The following NR2C2 variants were observed in gnomAD, a reference collection of about 807,000 sequenced individuals.
NR2C2 encodes the protein Nuclear hormone receptor TR4.
A neutral mutation model predicts 62.9 loss-of-function variants in NR2C2; 6 were observed. The observed-to-expected ratio is 0.10, with a 90% CI of 0.05 to 0.19. The LOEUF (loss-of-function observed/expected upper bound fraction) is 0.19. Among genes scored for constraint, NR2C2 ranks in the 10% least tolerant of loss-of-function variants. NR2C2 has a pLI of 1.00. For synonymous variants in NR2C2, 272 were observed against 273.8 expected, an observed-to-expected ratio of 0.99 and a Z score of 0.07; for missense variants, 479 against 762.7, an observed-to-expected ratio of 0.63 and a Z score of 4.38.
At position 15,037,354 on chromosome 3, in the gene NR2C2, C is replaced by T. The variant is rs539678897; in HGVS notation, c.1373-646C>T. 9.2e-5 allele frequency among the ~76,000 whole-genome samples: 14 copies of T among 152,080 alleles called. No homozygotes were observed. In the East Asian group the frequency reaches 1.2e-3, roughly 13 times the overall value. On this transcript the variant is annotated intron_variant, in intron 11 of 13. Transcript: ENST00000425241. ...CCGAAATATTGGGACTAGAGAGGCA[C>T]GAGCCACCACAACTGGCCAGTTTTA...
intron 2 of NR2C2, among the ~76,000 whole-genome samples, chr3:15,008,949 G>A (rs778390569): frequency 1.3e-5 from 2 of 152,156 alleles, no homozygotes; most frequent in Non-Finnish European, 2.9e-5. Context: ...GGTCGGGCGC[G>A]GCGGCTAGTG....
chr3:14,982,914 T>TA (rs1268411830), intron 1 of NR2C2, among the ~76,000 whole-genome samples: 1 of 152,236 alleles, frequency 6.6e-6, no homozygotes, highest in Admixed American at 6.5e-5. Flanking sequence ...TAAAAGTTGT[T>TA]ATATTCAGCA....
intron 1 of NR2C2, among the ~76,000 whole-genome samples, chr3:14,990,842 G>C (rs1435800097): frequency 2.6e-5 from 4 of 152,204 alleles, no homozygotes; most frequent in Non-Finnish European, 1.5e-5. Flanking sequence ...GACACCTATT[G>C]TATATTTGAA....
chr3:15,023,252 T>C lies in NR2C2; in HGVS notation c.609T>C (p.Asn203=). Residue 203 remains asparagine, a synonymous_variant, in exon 6 of 14, where the codon AAT becomes AAC. Transcript: ENST00000425241. ...ATGTGCAACGGGAGAAACCAAGCAA[T>C]TGTGCTGCTTCAACTGAGAAAATCT... is the stretch of plus-strand genomic sequence containing the variant. ...PFDVQREKPS[N]CAASTEKIYI... is the part of the protein sequence containing the mutation. 1 of 1,614,210 alleles carries C rather than the reference T, an allele frequency of 6.2e-7. No individual in the cohort carries two copies. The highest frequency in any genetic ancestry group is 8.5e-7 in the Non-Finnish European group (1 of 1,180,020).
At chr3:14,981,067 T>A (rs2040352385) in intron 1 of NR2C2, among the ~76,000 whole-genome samples, 1 of 152,244 alleles carries the variant, frequency 6.6e-6, no homozygotes, top group Admixed American at 6.5e-5. Context: ...CAAATTCACG[T>A]TGCAGAACTA....
chr3:15,010,500 G>A (rs1248685319), intron 2 of NR2C2, among the ~76,000 whole-genome samples: 1 of 152,006 alleles, frequency 6.6e-6, no homozygotes, highest in Non-Finnish European at 1.5e-5. Flanking sequence ...GATCACTTGA[G>A]CCTAGATGTT....
At chr3:14,994,892 G>A (rs895630592) in intron 1 of NR2C2, among the ~76,000 whole-genome samples, 5 of 150,972 alleles carry the variant, frequency 3.3e-5, no homozygotes, top group Middle Eastern at 3.4e-3. Context: ...TTCAGCCTGG[G>A]TGACAGAACA....
intron 5 of NR2C2, among the ~76,000 whole-genome samples, chr3:15,022,712 GTC>G (rs1193224806): frequency 6.6e-6 from 1 of 152,056 alleles, no homozygotes; most frequent in Non-Finnish European, 1.5e-5. Flanking sequence ...CCTTGAAAGA[GTC>G]TATTTTGTTA....
intron 1 of NR2C2, among the ~76,000 whole-genome samples, chr3:14,959,349 A>G (rs750666785): frequency 2.0e-5 from 3 of 152,192 alleles, no homozygotes; most frequent in Non-Finnish European, 2.9e-5. Flanking sequence ...TTCCTTTTTT[A>G]TATGAGAATA....
chr3:14,968,227 G>A (rs1207223925), intron 1 of NR2C2, among the ~76,000 whole-genome samples: 4 of 152,004 alleles, frequency 2.6e-5, no homozygotes, highest in South Asian at 2.1e-4. Flanking sequence ...GAAAATTTTC[G>A]CAACCTGCTC....
intron 1 of NR2C2, among the ~76,000 whole-genome samples, chr3:14,950,432 C>T (rs2039318838): frequency 6.6e-6 from 1 of 152,070 alleles, no homozygotes; most frequent in South Asian, 2.1e-4. Context: ...CAAGGCTTTT[C>T]ATTATTTTCT....
At chr3:14,998,440 G>C (rs1030241662) in intron 1 of NR2C2, among the ~76,000 whole-genome samples, 1 of 152,136 alleles carries the variant, frequency 6.6e-6, no homozygotes, top group Admixed American at 6.6e-5. Flanking sequence ...TATTGTCCAT[G>C]TTTAACATTG....
At chr3:15,009,153 C>T (rs1196692727) in intron 2 of NR2C2, among the ~76,000 whole-genome samples, 5 of 152,038 alleles carry the variant, frequency 3.3e-5, no homozygotes, top group Admixed American at 6.6e-5. Context: ...ACCTGGGAGG[C>T]GGAGGTTGCA....
rs927587186 is a variant in NR2C2, at chr3:14,984,775, A to G, written c.-39-19101A>G. On this transcript the variant is annotated intron_variant, in intron 1 of 13. Transcript: ENST00000425241. ...TTTGTGTATGTCTTTGTGAGAACATATGCTTTTCTTTTTCTTGGGTAGATA... is the reference window on the plus strand; with the variant it reads ...TTTGTGTATGTCTTTGTGAGAACATGTGCTTTTCTTTTTCTTGGGTAGATA... Among the ~76,000 whole-genome samples, 6 of 151,774 alleles carry G rather than the reference A, an allele frequency of 4.0e-5. No homozygotes were observed. In the South Asian group the frequency reaches 1.0e-3, roughly 26 times the overall value.
At chr3:14,997,188 G>A (rs575372799) in intron 1 of NR2C2, among the ~76,000 whole-genome samples, 1 of 152,110 alleles carries the variant, frequency 6.6e-6, no homozygotes, top group African/African-American at 2.4e-5. Context: ...TGTTAGAGTC[G>A]GTTATAGTAT....
chr3:14,987,617 C>T (rs764823213), intron 1 of NR2C2, among the ~76,000 whole-genome samples: 3 of 152,128 alleles, frequency 2.0e-5, no homozygotes, highest in Non-Finnish European at 4.4e-5. Flanking sequence ...TCTCCTTACT[C>T]GTACTTGTCT....
intron 2 of NR2C2, among the ~76,000 whole-genome samples, chr3:15,007,954 C>T (rs2041235402): frequency 6.6e-6 from 1 of 152,124 alleles, no homozygotes; most frequent in Non-Finnish European, 1.5e-5. Flanking sequence ...GAAGAGCAAG[C>T]ATTCCTATTC....
Position 15,039,228 on chromosome 3 carries a change from G to A in NR2C2, c.1616+1G>A. On this transcript the variant is annotated splice_donor_variant, in intron 13 of 13. Coordinates refer to ENST00000425241, the MANE Select transcript of NR2C2 (RefSeq NM_001291694.2). LOFTEE classifies it high-confidence loss of function. ...AAACCTACTCAGAAGACACCTACCG[G>A]TGAGGCATTCAGGCATATGCGCTCT... The A allele has an allele frequency of 6.2e-7, 1 of 1,604,898 alleles. No homozygotes were observed. Among genetic ancestry groups the A allele is most frequent in the Non-Finnish European group, 8.5e-7 (1 of 1,171,564 alleles).
chr3:15,016,275 C>G (rs753634496), intron 4 of NR2C2, 21 bp downstream of exon 4: 2 of 1,564,642 alleles, frequency 1.3e-6, no homozygotes, highest in Non-Finnish European at 8.8e-7. Flanking sequence ...CCAGGTTATG[C>G]TGGCACTTAT....
Sources: allele counts gnomAD v4.1 joint callset (sites outside exome capture counted in the v4.1 genomes callset), GRCh38; gene constraint gnomAD v4.1.1; transcripts MANE v1.5; gene names NCBI Gene and HGNC (gene_info 2026-07-23, HGNC 2026-07-21).